GAREM2: variants seen among roughly 807,000 people sequenced by gnomAD.
The protein encoded by GAREM2 is GRB2-associated and regulator of MAPK protein 2.
In GAREM2, 30 loss-of-function variants were observed where a neutral mutation model predicts 55.6. The observed-to-expected ratio is 0.54, with a 90% CI of 0.40 to 0.73. The LOEUF (loss-of-function observed/expected upper bound fraction) is 0.73. GAREM2 is among the 30% of genes least tolerant of loss of function. GAREM2 has a pLI of 0.00. For missense variants in GAREM2, 1,075 were observed against 1,257.7 expected (o/e 0.85, Z 2.20); for synonymous variants, 550 against 569.1 (o/e 0.97, Z 0.48).
At chr2:26,201,475 T>C in the GAREM2 span, among the ~76,000 whole-genome samples, 2 of 152,228 alleles carry the variant, frequency 1.3e-5, no homozygotes, top group African/African-American at 2.4e-5. Flanking sequence ...TTGTTTAGTC[T>C]TAGAGGGACC....
chr2:26,201,856 G>A, the GAREM2 span, among the ~76,000 whole-genome samples: 7 of 151,424 alleles, frequency 4.6e-5, no homozygotes, highest in South Asian at 6.2e-4. Flanking sequence ...GTGCAGTGGC[G>A]TGATCTCAGC....
chr2:26,190,384 G>C (rs188834906), downstream of GAREM2, among the ~76,000 whole-genome samples: 25 of 152,166 alleles, frequency 1.6e-4, no homozygotes, highest in African/African-American at 5.5e-4. Flanking sequence ...ATCCCAGGGG[G>C]TGGGGTGGGG....
downstream of GAREM2, chr2:26,191,765 G>A (rs1404042962): frequency 1.1e-6 from 1 of 871,938 alleles, no homozygotes; most frequent in Non-Finnish European, 1.9e-6. Context: ...CAGAGAAGAT[G>A]CTGCCTGGGT....
At position 26,187,499 on chromosome 2, in the gene GAREM2, C is replaced by T. The variant is rs753757174; in HGVS notation, c.1867C>T (p.Arg623Cys). Residue 623 changes from arginine to cysteine, a missense_variant, in exon 6 of 6, where the codon CGC becomes TGC. Physicochemically the swap from Arg to Cys is radical, Grantham distance 180 (BLOSUM62 -3). Coordinates refer to ENST00000401533, the MANE Select transcript of GAREM2 (RefSeq NM_001168241.2). ...ATTCAAGCCCTCACATCCCCAGAAG[C>T]GCTTTGCTCCGTTTGGAGCTCTCAA... ...PLFKPSHPQK[R>C]FAPFGALNPF... 45 of 1,544,134 alleles carry T rather than the reference C, an allele frequency of 2.9e-5. No individual in the cohort carries two copies. The highest frequency in any genetic ancestry group is 2.4e-4 in the South Asian group (20 of 82,784).
At chr2:26,195,823 C>T in the GAREM2 span, among the ~76,000 whole-genome samples, 5 of 152,150 alleles carry the variant, frequency 3.3e-5, no homozygotes, top group Non-Finnish European at 7.3e-5. Context: ...TCAGGCCTAG[C>T]CCAGCCCTAC....
At chr2:26,194,731 G>T in the GAREM2 span, 1 of 847,258 alleles carries the variant, frequency 1.2e-6, no homozygotes. Context: ...AAAGTCATTT[G>T]AAAGTCACTG....
Position 26,187,741 on chromosome 2 carries a change from C to T in GAREM2, c.2109C>T (p.Pro703=), listed in dbSNP as rs1574596471. The change falls in exon 6 of 6, where the codon CCC becomes CCT. Residue 703 remains proline (P), a synonymous_variant. Transcript: ENST00000401533. ...WQEPVLEPFD[P]FELGQGSSPE... is the part of the protein sequence containing the mutation. ...AACCAGTCCTGGAGCCCTTCGATCC[C>T]TTTGAGCTGGGGCAGGGCAGTTCTC... is the stretch of plus-strand genomic sequence containing the variant. 2 of 1,456,924 alleles carry T rather than the reference C, an allele frequency of 1.4e-6. No homozygotes were observed. Among genetic ancestry groups the T allele is most frequent in the Non-Finnish European group, 9.1e-7 (1 of 1,099,680 alleles). The allele number at this position is 1,456,924 out of a possible 1,614,324, so 90.2% of individuals were successfully genotyped here.
the GAREM2 span, chr2:26,197,726 T>C: frequency 2.6e-6 from 4 of 1,557,604 alleles, no homozygotes; most frequent in East Asian, 2.2e-5. Flanking sequence ...GCGATTTCAC[T>C]GATTGGGAGA....
At chr2:26,192,557 C>T (rs186489670), downstream of GAREM2, 156 of 701,392 alleles carry the variant, frequency 2.2e-4, no homozygotes, top group African/African-American at 2.1e-3. Flanking sequence ...GAGGCCGAGG[C>T]GGAGGATCAT....
At chr2:26,190,137 G>C (rs575579139), downstream of GAREM2, among the ~76,000 whole-genome samples, 1 of 152,332 alleles carries the variant, frequency 6.6e-6, no homozygotes, top group Admixed American at 6.5e-5. Context: ...ACCAAGCAGA[G>C]CCAGACCTGA....
At position 26,187,283 on chromosome 2, in the gene GAREM2, T is replaced by C; in HGVS notation, c.1651T>C (p.Tyr551His). The change falls in exon 6 of 6, where the codon TAT (tyrosine) becomes CAT (histidine). Residue 551 changes from tyrosine to histidine, a missense_variant. Around this residue, in one of 6 missense-constraint regions of GAREM2, gnomAD observed 515 missense variants for 501.5 expected, o/e 1.03. Coordinates refer to ENST00000401533, the MANE Select transcript of GAREM2 (RefSeq NM_001168241.2). ...GSPSPDTYSL[Y>H]CYPCTWGDCK... ...CCCATCGCCGGACACCTACTCCCTCTATTGCTACCCATGCACCTGGGGAGA... is the reference window on the plus strand; with the variant it reads ...CCCATCGCCGGACACCTACTCCCTCCATTGCTACCCATGCACCTGGGGAGA... 1 of 1,479,396 alleles carries C rather than the reference T, an allele frequency of 6.8e-7. No individual in the cohort carries two copies. Among genetic ancestry groups the C allele is most frequent in the Non-Finnish European group, 9.0e-7 (1 of 1,111,462 alleles). 91.6% of individuals were successfully genotyped at this position (1,479,396 alleles called of 1,614,324 possible).
At chr2:26,203,100 TA>T in the GAREM2 span, among the ~76,000 whole-genome samples, 1 of 152,264 alleles carries the variant, frequency 6.6e-6, no homozygotes, top group Non-Finnish European at 1.5e-5. Flanking sequence ...GCACTGCTGC[TA>T]TCTAGCACAC....
intron 2 of GAREM2, 39 bp downstream of exon 2, chr2:26,176,523 G>A (rs1668871596): frequency 6.8e-7 from 1 of 1,475,638 alleles, no homozygotes. Context: ...AGCCTGTAGG[G>A]GGGTGTAGGC....
chr2:26,198,804 C>T, the GAREM2 span, among the ~76,000 whole-genome samples: 3 of 152,088 alleles, frequency 2.0e-5, no homozygotes, highest in South Asian at 6.2e-4. Context: ...AATCCCAACA[C>T]TTCAGGAGGC....
chr2:26,187,026 C>T (rs1669283675), intron 5 of GAREM2, among the ~76,000 whole-genome samples: 1 of 152,156 alleles, frequency 6.6e-6, no homozygotes, highest in Non-Finnish European at 1.5e-5. Flanking sequence ...AGTTTCGTTT[C>T]ATTTTTCCCC....
Position 26,184,703 on chromosome 2 carries a change from G to A in GAREM2, c.855G>A (p.Glu285=), listed in dbSNP as rs1669168905. ...CCTACGACCTGCACCCGGTGCGGGA[G>A]GGTCATTGCTACAAGCTGGTTAGCA... ...RNPYDLHPVR[E]GHCYKLVSII... The change falls in exon 4 of 6, where the codon GAG becomes GAA. Residue 285 remains glutamate (E), a synonymous_variant. Transcript: ENST00000401533. 1 of 1,539,348 alleles carries A rather than the reference G, an allele frequency of 6.5e-7. No individual in the cohort carries two copies. Among genetic ancestry groups the A allele is most frequent in the Admixed American group, 2.0e-5 (1 of 50,386 alleles).
chr2:26,191,387 G>A (rs912599402), downstream of GAREM2: 7 of 1,614,042 alleles, frequency 4.3e-6, no homozygotes, highest in East Asian at 2.2e-5. Flanking sequence ...TCCACAAAGC[G>A]GAAAGGCCCT....
chr2:26,181,833 GC>G (rs1669059892), intron 2 of GAREM2: 1 of 172,326 alleles, frequency 5.8e-6, no homozygotes, highest in East Asian at 1.9e-4. Context: ...TAAAAAATTA[GC>G]CAGGCATGGT....
At chr2:26,182,932 G>C in intron 2 of GAREM2, 35 bp from the exon 3 acceptor site, 2 of 1,549,248 alleles carry the variant, frequency 1.3e-6, no homozygotes, top group Non-Finnish European at 8.7e-7. Flanking sequence ...CAGCAGGCAG[G>C]CCCACTCCAG....
Sources: allele counts gnomAD v4.1 joint callset (sites outside exome capture counted in the v4.1 genomes callset), GRCh38; gene constraint gnomAD v4.1.1; regional missense constraint gnomAD v4.1.1; transcripts MANE v1.5; gene names NCBI Gene and HGNC (gene_info 2026-07-23, HGNC 2026-07-21).